XNDC1N: variants seen among roughly 807,000 people sequenced by gnomAD.
XNDC1N encodes the protein protein XNDC1N.
chr11:71,892,110 A>T, the XNDC1N span, among the ~76,000 whole-genome samples: 1 of 152,116 alleles, frequency 6.6e-6, no homozygotes, highest in South Asian at 2.1e-4. Flanking sequence ...GGATATTAGA[A>T]AAAAATATCA....
chr11:71,886,084 CTG>C, the XNDC1N span, among the ~76,000 whole-genome samples: 88 of 152,196 alleles, frequency 5.8e-4, no homozygotes, highest in African/African-American at 2.0e-3. Flanking sequence ...ACAAATGCCC[CTG>C]AGAGAGCAGC....
the XNDC1N span, among the ~76,000 whole-genome samples, chr11:71,906,031 C>G: frequency 1.3e-5 from 2 of 151,422 alleles, no homozygotes. Context: ...AACATCCCCC[C>G]ACAATATTAC....
the XNDC1N span, chr11:71,884,265 T>A: frequency 3.0e-6 from 3 of 1,009,312 alleles, no homozygotes; most frequent in Non-Finnish European, 4.1e-6. Context: ...ATCTCCACTT[T>A]TTCTCTTGCA....
the XNDC1N span, among the ~76,000 whole-genome samples, chr11:71,876,473 C>T: frequency 1.3e-5 from 2 of 152,138 alleles, no homozygotes; most frequent in Non-Finnish European, 2.9e-5. Flanking sequence ...CTTTGATATC[C>T]GTGATTGGTA....
At chr11:71,875,255 A>G in the XNDC1N span, among the ~76,000 whole-genome samples, 1 of 150,146 alleles carries the variant, frequency 6.7e-6, no homozygotes, top group African/African-American at 2.5e-5. Context: ...TAATAAATAA[A>G]GCTATAGGTG....
chr11:71,887,066 A>G, the XNDC1N span, among the ~76,000 whole-genome samples: 3 of 152,200 alleles, frequency 2.0e-5, no homozygotes, highest in African/African-American at 7.2e-5. Flanking sequence ...AACCTGGCAG[A>G]AGGGTTCTTG....
At chr11:71,894,025 A>C in the XNDC1N span, 30,604 of 771,172 alleles carry the variant, frequency 0.04, 461 homozygotes, top group African/African-American at 0.15. Flanking sequence ...TCAACTTCTC[A>C]AACTTGCTTG....
At chr11:71,902,826 TTAAAG>T in the XNDC1N span, among the ~76,000 whole-genome samples, 2 of 152,256 alleles carry the variant, frequency 1.3e-5, no homozygotes, top group African/African-American at 4.8e-5. Flanking sequence ...AACCTTTTTC[TTAAAG>T]TGAAGACAAT....
chr11:71,906,411 A>G, the XNDC1N span, among the ~76,000 whole-genome samples: 2 of 152,146 alleles, frequency 1.3e-5, no homozygotes, highest in Non-Finnish European at 1.5e-5. Context: ...GCACTAGGAT[A>G]TTATGAAAGA....
At chr11:71,920,911 G>A in the XNDC1N span, among the ~76,000 whole-genome samples, 1 of 152,158 alleles carries the variant, frequency 6.6e-6, no homozygotes, top group Admixed American at 6.5e-5. Flanking sequence ...GTTGCGGTCA[G>A]CCGAGACTGC....
the XNDC1N span, among the ~76,000 whole-genome samples, chr11:71,898,891 G>A: frequency 6.6e-6 from 1 of 151,822 alleles, no homozygotes. Flanking sequence ...TCTATATGAA[G>A]TAATATATAT....
the XNDC1N span, among the ~76,000 whole-genome samples, chr11:71,891,664 C>T: frequency 6.6e-6 from 1 of 151,948 alleles, no homozygotes; most frequent in African/African-American, 2.4e-5. Context: ...GGGTGCTGTA[C>T]AATTACTTCG....
At chr11:71,914,245 T>A in the XNDC1N span, 1 of 455,490 alleles carries the variant, frequency 2.2e-6, no homozygotes, top group Admixed American at 2.4e-5. Flanking sequence ...TAATTTACCA[T>A]CTTGGATGCC....
At chr11:71,913,537 T>C in the XNDC1N span, among the ~76,000 whole-genome samples, 1 of 151,976 alleles carries the variant, frequency 6.6e-6, no homozygotes. Context: ...TGTGCGCCTA[T>C]AGTTCCAGCT....
chr11:71,902,114 T>C, the XNDC1N span, among the ~76,000 whole-genome samples: 1 of 152,128 alleles, frequency 6.6e-6, no homozygotes, highest in Admixed American at 6.5e-5. Flanking sequence ...GTCAAATATA[T>C]GTTAATGATT....
chr11:71,866,128 T>C, the XNDC1N span, among the ~76,000 whole-genome samples: 1 of 132,872 alleles, frequency 7.5e-6, no homozygotes, highest in African/African-American at 3.1e-5. Flanking sequence ...CTGAAAGATA[T>C]AGATCTAGAG....
chr11:71,908,042 T>A, the XNDC1N span, among the ~76,000 whole-genome samples: 1 of 152,186 alleles, frequency 6.6e-6, no homozygotes, highest in South Asian at 2.1e-4. Flanking sequence ...GTACACCTAC[T>A]GCGATATAGA....
chr11:71,905,079 C>T, the XNDC1N span, among the ~76,000 whole-genome samples: 1 of 151,854 alleles, frequency 6.6e-6, no homozygotes, highest in Non-Finnish European at 1.5e-5. Context: ...GTCCACTGAC[C>T]GTGATATTAG....
the XNDC1N span, among the ~76,000 whole-genome samples, chr11:71,896,913 C>G: frequency 2.0e-5 from 3 of 152,104 alleles, no homozygotes; most frequent in Non-Finnish European, 2.9e-5. Flanking sequence ...GTTTTGGAGC[C>G]CAGAAATAAC....
Sources: gnomAD v4.1 joint callset for allele counts (sites outside exome capture counted in the v4.1 genomes callset) on GRCh38, gnomAD v4.1.1 for gene constraint, MANE v1.5 for transcripts, NCBI Gene and HGNC (gene_info 2026-07-23, HGNC 2026-07-21) for gene names.